CEMIP2: variants seen among roughly 807,000 people sequenced by gnomAD.
The protein encoded by CEMIP2 is cell surface hyaluronidase CEMIP2.
Under a neutral mutation model 146.9 loss-of-function variants are expected in CEMIP2, and 79 were observed. That is an observed-to-expected ratio of 0.54 (90% CI 0.45 to 0.65). The LOEUF (loss-of-function observed/expected upper bound fraction) is 0.65, where lower values mean the gene tolerates loss of function less well. Among genes scored for constraint, CEMIP2 ranks in the 30% least tolerant of loss-of-function variants. The pLI is 0.00. For synonymous variants in CEMIP2, 601 were observed against 606.3 expected (o/e 0.99, Z 0.13); for missense variants, 1,596 against 1,696.2 (o/e 0.94, Z 1.04).
intron 22 of CEMIP2, chr9:71,687,464 G>GTGTGTGTA (rs908410205): frequency 7.0e-5 from 10 of 142,092 alleles, no homozygotes; most frequent in Non-Finnish European, 1.6e-4. Context: ...TTTATTTTCT[G>GTGTGTGTA]TGTGTGTGTG....
At chr9:71,696,636 T>C (rs1822411900) in intron 20 of CEMIP2, among the ~76,000 whole-genome samples, 1 of 151,866 alleles carries the variant, frequency 6.6e-6, no homozygotes. Context: ...CCAGGTGTGG[T>C]CACATGCACC....
At chr9:71,695,458 T>C (rs1399954829) in intron 20 of CEMIP2, among the ~76,000 whole-genome samples, 3 of 152,090 alleles carry the variant, frequency 2.0e-5, no homozygotes, top group Non-Finnish European at 4.4e-5. Context: ...GTGGATCACC[T>C]TAGGTCCGGA....
At chr9:71,755,919 C>G (rs1824421606) in intron 1 of CEMIP2, among the ~76,000 whole-genome samples, 1 of 130,106 alleles carries the variant, frequency 7.7e-6, no homozygotes, top group Non-Finnish European at 1.5e-5. Flanking sequence ...CTGACTGCAC[C>G]ACTGTACTCC....
At position 71,722,430 on chromosome 9, in the gene CEMIP2, G is replaced by A; in HGVS notation, c.2264C>T (p.Ala755Val). The A allele has an allele frequency of 1.2e-6, 2 of 1,611,702 alleles. No homozygotes were observed. Among genetic ancestry groups the A allele is most frequent in the Non-Finnish European group, 1.7e-6 (2 of 1,179,116 alleles). Residue 755 changes from alanine (A) to valine (V), a missense_variant, in exon 12 of 24, where the codon GCA (alanine) becomes GTA (valine). By Grantham distance (64) the Ala-to-Val change is moderately conservative (BLOSUM62 0). Coordinates refer to ENST00000377044, the MANE Select transcript of CEMIP2 (RefSeq NM_013390.3). Reference sequence around the variant, plus strand: ...GACTTAAAAGAGCCAGCTTTACCTTGCACTATTGTCCAAACAGAGGTATTC... The same window carrying A: ...GACTTAAAAGAGCCAGCTTTACCTTACACTATTGTCCAAACAGAGGTATTC... Reference protein sequence around the residue: ...PREYLCLDNSARFRPHQDANP... With the variant: ...PREYLCLDNSVRFRPHQDANP...
rs1248144174 is a variant in CEMIP2 at position 71,722,481 on chromosome 9, G to A, written c.2213C>T (p.Thr738Ile). 1 of 1,613,726 alleles carries A rather than the reference G, an allele frequency of 6.2e-7. No homozygotes were observed. The highest frequency in any genetic ancestry group is 1.7e-5 in the Admixed American group (1 of 59,896). ...CCTTGGGTCAGCAGCACTAGAGTTGGTTGTTTTGACACCTTTGTCAATAAA... is the reference window on the plus strand; with the variant it reads ...CCTTGGGTCAGCAGCACTAGAGTTGATTGTTTTGACACCTTTGTCAATAAA... ...GLFIDKGVKT[T>I]NSSAADPREY... Residue 738 changes from threonine to isoleucine, a missense_variant, in exon 12 of 24, where the codon ACC (threonine) becomes ATC (isoleucine). Thr to Ile is a moderately conservative substitution (Grantham distance 89). Transcript: ENST00000377044.
At chr9:71,686,697 C>A (rs1170320636) in intron 22 of CEMIP2, 2 of 152,052 alleles carry the variant, frequency 1.3e-5, no homozygotes, top group African/African-American at 2.4e-5. Context: ...GGCACAAGTG[C>A]AATTTCATTA....
intron 10 of CEMIP2, among the ~76,000 whole-genome samples, chr9:71,728,271 A>ATATACGTATATATATATATACG (rs1165222526): frequency 8.9e-5 from 1 of 11,268 alleles, no homozygotes; most frequent in Non-Finnish European, 2.9e-4. Context: ...GTATATATAT[A>ATATACGTATATATATATATACG]TATATATATG....
At chr9:71,765,034 G>T (rs1413822051) in intron 1 of CEMIP2, among the ~76,000 whole-genome samples, 2 of 151,788 alleles carry the variant, frequency 1.3e-5, no homozygotes, top group Non-Finnish European at 2.9e-5. Context: ...AACCAGACAA[G>T]ACCTTTTCAA....
In CEMIP2 at chr9:71,685,409, A is replaced by AG. The variant is rs1554678965; in HGVS notation, c.3956-17_3956-16insC. 2.8e-5 allele frequency: 42 copies of AG among 1,485,928 alleles called. No individual in the cohort carries two copies. The Admixed American group carries it at 3.6e-4, about 13-fold the overall frequency. The allele number at this position is 1,485,928 out of a possible 1,614,324, so 92.0% of individuals were successfully genotyped here. A position where few individuals can be genotyped will look rare whatever the true frequency, so the allele number is the denominator to read the frequency against. On this transcript the variant is annotated splice_polypyrimidine_tract_variant and intron_variant, in intron 23 of 23. Coordinates refer to ENST00000377044, the MANE Select transcript of CEMIP2 (RefSeq NM_013390.3). The stretch of plus-strand genomic sequence containing the variant: ...ATGGTACTCCCTAAAAAAAAAAAAA[A>AG]AAAAGAAAAAGAAAAAAAATCAATT...
In CEMIP2 at chr9:71,684,460, A is replaced by C. The variant is rs1013261981; in HGVS notation, c.*737T>G. 12 of 152,660 alleles carry C rather than the reference A, an allele frequency of 7.9e-5. No homozygotes were observed. The highest frequency in any genetic ancestry group is 2.9e-4 in the African/African-American group (12 of 41,460). The allele number at this position is 152,660 out of a possible 1,614,324, so 9.5% of individuals were successfully genotyped here. A position where few individuals can be genotyped will look rare whatever the true frequency, so the allele number is the denominator to read the frequency against. On this transcript the variant is annotated 3_prime_UTR_variant, in exon 24 of 24. Coordinates refer to ENST00000377044, the MANE Select transcript of CEMIP2 (RefSeq NM_013390.3). ...CACAAATATACAGTCAAAAGAGGCT[A>C]AGGATTAAAGCTGCAAAAATGGTCC...
At chr9:71,712,808 T>G (rs1014129764) in intron 15 of CEMIP2, among the ~76,000 whole-genome samples, 1 of 152,232 alleles carries the variant, frequency 6.6e-6, no homozygotes, top group African/African-American at 2.4e-5. Context: ...TTTGTTTTAT[T>G]CATTTTCCCC....
chr9:71,718,840 G>A (rs1344748259), intron 12 of CEMIP2, among the ~76,000 whole-genome samples: 1 of 152,144 alleles, frequency 6.6e-6, no homozygotes, highest in East Asian at 1.9e-4. Flanking sequence ...GCCTCCCAAA[G>A]TGCTGAGATT....
At chr9:71,748,090 A>G (rs1197634499) in intron 2 of CEMIP2, among the ~76,000 whole-genome samples, 2 of 152,180 alleles carry the variant, frequency 1.3e-5, no homozygotes, top group African/African-American at 2.4e-5. Context: ...TAGTTTTATA[A>G]CAAGCACTGT....
intron 21 of CEMIP2, among the ~76,000 whole-genome samples, chr9:71,691,695 G>T (rs558460982): frequency 4.6e-5 from 7 of 152,170 alleles, no homozygotes; most frequent in African/African-American, 1.7e-4. Flanking sequence ...GCAAAGCAAG[G>T]TACTGTGGCC....
At chr9:71,718,111 T>C (rs935515828) in intron 12 of CEMIP2, 32 bp from the exon 13 acceptor site, 4 of 1,583,380 alleles carry the variant, frequency 2.5e-6, no homozygotes, top group African/African-American at 2.7e-5. Context: ...TTAAAAAATA[T>C]AACATAAAAG....
At chr9:71,703,998 T>C (rs945636134) in intron 18 of CEMIP2, among the ~76,000 whole-genome samples, 1 of 152,218 alleles carries the variant, frequency 6.6e-6, no homozygotes, top group Non-Finnish European at 1.5e-5. Flanking sequence ...AGTACTTCTC[T>C]CATTCACCTT....
chr9:71,716,439 C>A, intron 14 of CEMIP2, 78 bp downstream of exon 14: 2 of 1,167,800 alleles, frequency 1.7e-6, no homozygotes, highest in South Asian at 1.4e-5. Context: ...TAAAACATTC[C>A]TGTGTATTAT....
chr9:71,743,424 C>T (rs1589159588), intron 4 of CEMIP2, among the ~76,000 whole-genome samples: 1 of 151,992 alleles, frequency 6.6e-6, no homozygotes, highest in Non-Finnish European at 1.5e-5. Context: ...TATCATATTT[C>T]AAAAACAAAA....
At position 71,734,926 on chromosome 9, in the gene CEMIP2, T is replaced by C. The variant is rs1263333796; in HGVS notation, c.1273A>G (p.Ser425Gly). The C allele has an allele frequency of 1.2e-6, 2 of 1,613,360 alleles. No individual in the cohort carries two copies. Among genetic ancestry groups the C allele is most frequent in the South Asian group, 1.1e-5 (1 of 91,060 alleles). Residue 425 changes from serine to glycine, a missense_variant, in exon 6 of 24, where the codon AGT becomes GGT. By Grantham distance (56) the Ser-to-Gly change is moderately conservative (BLOSUM62 0). Coordinates refer to ENST00000377044, the MANE Select transcript of CEMIP2 (RefSeq NM_013390.3). ...GVKLNLLDDV[S>G]SWKPGDQIVV... ...ATCTGGTCTCCAGGTTTCCAACTAC[T>C]AACATCATCTAGCAAATTTAGCTTC... is the stretch of plus-strand genomic sequence containing the variant.
Sources: allele counts gnomAD v4.1 joint callset (sites outside exome capture counted in the v4.1 genomes callset), GRCh38; gene constraint gnomAD v4.1.1; transcripts MANE v1.5; gene names NCBI Gene and HGNC (gene_info 2026-07-23, HGNC 2026-07-21).